Variants in RBFOX1 observed in about 807,000 individuals in gnomAD.
RBFOX1 encodes the protein RNA binding fox-1 homolog 1.
In RBFOX1, 8 loss-of-function variants were observed where a neutral mutation model predicts 57.7. That is an observed-to-expected ratio of 0.14 (90% CI 0.08 to 0.25). The LOEUF (loss-of-function observed/expected upper bound fraction) is 0.25, where lower values mean the gene tolerates loss of function less well. RBFOX1 is among the 10% of genes least tolerant of loss of function. The pLI is 1.00. For synonymous variants in RBFOX1, 326 were observed against 222.4 expected (o/e 1.47, Z -4.15); for missense variants, 611 against 548.5 (o/e 1.11, Z -1.14).
intron 3 of RBFOX1, among the ~76,000 whole-genome samples, chr16:5,760,182 C>T (rs562934184): frequency 5.3e-5 from 8 of 152,180 alleles, no homozygotes; most frequent in African/African-American, 1.9e-4. Context: ...GGAATGTTCC[C>T]AGTTTTATCA....
intron 1 of RBFOX1, among the ~76,000 whole-genome samples, chr16:6,031,373 A>G (rs1567295837): frequency 2.0e-5 from 3 of 152,236 alleles, no homozygotes; most frequent in African/African-American, 7.2e-5. Context: ...AGGCCAGAAC[A>G]GGCAGCCTTG....
chr16:6,243,822 G>A (rs917585965), intron 1 of RBFOX1, among the ~76,000 whole-genome samples: 1 of 152,138 alleles, frequency 6.6e-6, no homozygotes, highest in East Asian at 1.9e-4. Flanking sequence ...TCCAGTGATG[G>A]GAGATCCTGC....
intron 2 of RBFOX1, among the ~76,000 whole-genome samples, chr16:6,612,447 A>G (rs1474542155): frequency 6.6e-5 from 10 of 152,142 alleles, no homozygotes; most frequent in East Asian, 1.9e-4. Context: ...ACGTATATTG[A>G]CTTATTTAAG....
intron 4 of RBFOX1, among the ~76,000 whole-genome samples, chr16:7,218,115 C>T (rs976982766): frequency 6.6e-6 from 1 of 151,926 alleles, no homozygotes; most frequent in African/African-American, 2.4e-5. Flanking sequence ...GTAGAGCTCC[C>T]TCTGCAGAAG....
At chr16:6,261,071 G>C (rs2097698878) in intron 1 of RBFOX1, among the ~76,000 whole-genome samples, 1 of 152,132 alleles carries the variant, frequency 6.6e-6, no homozygotes, top group African/African-American at 2.4e-5. Flanking sequence ...CTTGCAATGT[G>C]TTAAACCTCT....
At chr16:6,043,905 G>C (rs567037905) in intron 1 of RBFOX1, among the ~76,000 whole-genome samples, 1 of 152,096 alleles carries the variant, frequency 6.6e-6, no homozygotes, top group African/African-American at 2.4e-5. Context: ...TAAGCAGCCA[G>C]CCTCCTTTCC....
intron 3 of RBFOX1, among the ~76,000 whole-genome samples, chr16:6,904,622 AAAAAAAG>A (rs1398788124): frequency 1.4e-4 from 21 of 150,912 alleles, no homozygotes; most frequent in African/African-American, 4.1e-4. Context: ...AAAAAAAAAA[AAAAAAAG>A]AAGAAGAAGA....
intron 3 of RBFOX1, among the ~76,000 whole-genome samples, chr16:7,050,577 T>C (rs909391757): frequency 1.3e-5 from 2 of 152,178 alleles, no homozygotes; most frequent in Non-Finnish European, 2.9e-5. Context: ...TCCTTCATTT[T>C]CTTTAATGAT....
intron 3 of RBFOX1, among the ~76,000 whole-genome samples, chr16:6,869,105 C>T (rs1397325617): frequency 6.6e-6 from 1 of 152,192 alleles, no homozygotes; most frequent in Non-Finnish European, 1.5e-5. Context: ...CTGTTTATTA[C>T]AGCAGCATTG....
chr16:6,960,623 C>G (rs2082762232), intron 3 of RBFOX1, among the ~76,000 whole-genome samples: 1 of 151,970 alleles, frequency 6.6e-6, no homozygotes, highest in Non-Finnish European at 1.5e-5. Context: ...GCCTTTTTTC[C>G]TGCCTTCTCT....
intron 2 of RBFOX1, among the ~76,000 whole-genome samples, chr16:6,460,233 G>A (rs2094884568): frequency 6.6e-6 from 1 of 151,866 alleles, no homozygotes; most frequent in Admixed American, 6.6e-5. Flanking sequence ...GCTTGTACGT[G>A]GCCATCTTTT....
chr16:6,184,202 A>T (rs1033436576), intron 1 of RBFOX1, among the ~76,000 whole-genome samples: 2 of 152,172 alleles, frequency 1.3e-5, no homozygotes, highest in African/African-American at 4.8e-5. Flanking sequence ...TTCTCCCATA[A>T]CATATGGGAA....
chr16:7,568,706 A>G (rs1266868533), intron 5 of RBFOX1, among the ~76,000 whole-genome samples: 2 of 151,830 alleles, frequency 1.3e-5, no homozygotes, highest in African/African-American at 2.4e-5. Flanking sequence ...TAACATGGTG[A>G]AACCCCGACT....
At chr16:7,274,235 T>G (rs1567989703) in intron 4 of RBFOX1, among the ~76,000 whole-genome samples, 1 of 152,240 alleles carries the variant, frequency 6.6e-6, no homozygotes, top group Non-Finnish European at 1.5e-5. Flanking sequence ...GTGCTTACTA[T>G]GTTCCGAGTA....
chr16:6,477,624 T>G (rs1200500173), intron 2 of RBFOX1, among the ~76,000 whole-genome samples: 1 of 152,208 alleles, frequency 6.6e-6, no homozygotes, highest in African/African-American at 2.4e-5. Context: ...AGATTCAAAA[T>G]GGTAAATGAG....
chr16:6,908,022 T>A (rs977143478), intron 3 of RBFOX1, among the ~76,000 whole-genome samples: 1 of 151,756 alleles, frequency 6.6e-6, no homozygotes, highest in South Asian at 2.1e-4. Flanking sequence ...CATGGTCATA[T>A]TGGATTAGGG....
intron 2 of RBFOX1, among the ~76,000 whole-genome samples, chr16:5,572,020 C>T (rs749854458): frequency 2.0e-4 from 31 of 152,306 alleles, no homozygotes; most frequent in Non-Finnish European, 4.4e-4. Flanking sequence ...CCATTAGACA[C>T]ACTGCAAAGA....
At chr16:7,132,303 A>G (rs140398022) in intron 4 of RBFOX1, among the ~76,000 whole-genome samples, 20 of 152,004 alleles carry the variant, frequency 1.3e-4, no homozygotes, top group Non-Finnish European at 2.1e-4. Flanking sequence ...CATCATTGCA[A>G]TGTTCTTTAT....
chr16:6,497,995 TC>T (rs2095818624), intron 2 of RBFOX1, among the ~76,000 whole-genome samples: 1 of 152,056 alleles, frequency 6.6e-6, no homozygotes, highest in African/African-American at 2.4e-5. Context: ...ATGCCTGTAA[TC>T]CCAACACTTT....
Sources: gnomAD v4.1 joint callset for allele counts (sites outside exome capture counted in the v4.1 genomes callset) on GRCh38, gnomAD v4.1.1 for gene constraint, MANE v1.5 for transcripts, NCBI Gene and HGNC (gene_info 2026-07-23, HGNC 2026-07-21) for gene names.